Variants in KIF3C observed in about 807,000 individuals in gnomAD.
KIF3C encodes the protein kinesin-like protein KIF3C.
A neutral mutation model predicts 67.7 loss-of-function variants in KIF3C; 12 were observed. The observed-to-expected ratio is 0.18, with a 90% confidence interval of 0.11 to 0.29. The LOEUF (loss-of-function observed/expected upper bound fraction) is 0.29. KIF3C is among the 10% of genes least tolerant of loss of function. KIF3C has a pLI of 1.00. For missense variants in KIF3C, 789 were observed against 1,059.6 expected, an observed-to-expected ratio of 0.74 and a Z score of 3.55; for synonymous variants, 393 against 426.2, an observed-to-expected ratio of 0.92 and a Z score of 0.96.
intron 5 of KIF3C, among the ~76,000 whole-genome samples, chr2:25,948,435 C>T (rs1663501101): frequency 6.8e-6 from 1 of 146,114 alleles, no homozygotes; most frequent in Non-Finnish European, 1.5e-5. Context: ...GCCTGTGGCC[C>T]CAGCTACTCA....
intron 1 of KIF3C, among the ~76,000 whole-genome samples, chr2:25,959,301 T>A (rs1196363919): frequency 2.0e-5 from 3 of 152,198 alleles, no homozygotes; most frequent in Non-Finnish European, 2.9e-5. Flanking sequence ...AATTATTCAT[T>A]TACATGCTGT....
chr2:25,946,942 A>T (rs1663457381), intron 5 of KIF3C, among the ~76,000 whole-genome samples: 1 of 152,118 alleles, frequency 6.6e-6, no homozygotes, highest in African/African-American at 2.4e-5. Context: ...ACCTGAGATC[A>T]GGAGTTCAAG....
At position 25,928,677 on chromosome 2, in the gene KIF3C, C is replaced by A. The variant is rs903962988; in HGVS notation, c.*301G>T. On this transcript the variant is annotated 3_prime_UTR_variant, in exon 8 of 8. Transcript: ENST00000264712. ...GCTGACAGGGGGACAAGCCTGAGAT[C>A]TGACTGGGGGAGCTCTCAAGTCAGA... The A allele has an allele frequency of 3.0e-5, 7 of 235,978 alleles. No homozygotes were observed. The highest frequency in any genetic ancestry group is 5.8e-5 in the Non-Finnish European group (7 of 120,224). The allele number at this position is 235,978 out of a possible 1,614,324, so 14.6% of individuals were successfully genotyped here.
chr2:25,953,141 C>T (rs952313069), intron 4 of KIF3C, among the ~76,000 whole-genome samples: 5 of 150,902 alleles, frequency 3.3e-5, no homozygotes, highest in African/African-American at 4.9e-5. Flanking sequence ...TGGTGGTGGG[C>T]GCCTGTAGTC....
chr2:25,937,621 A>T (rs1349041650), intron 5 of KIF3C, among the ~76,000 whole-genome samples: 1 of 152,242 alleles, frequency 6.6e-6, no homozygotes. Flanking sequence ...TACACAGTTC[A>T]TCTGAACTTA....
At chr2:25,957,187 C>T (rs564226186) in intron 1 of KIF3C, among the ~76,000 whole-genome samples, 1 of 152,166 alleles carries the variant, frequency 6.6e-6, no homozygotes, top group African/African-American at 2.4e-5. Flanking sequence ...CCATCCCCCC[C>T]TAAGAGGGAC....
chr2:25,979,414 G>C (rs1357382414), intron 1 of KIF3C, among the ~76,000 whole-genome samples: 1 of 152,124 alleles, frequency 6.6e-6, no homozygotes, highest in African/African-American at 2.4e-5. Flanking sequence ...CGGTTGGCTT[G>C]CTGCTCAGAT....
chr2:25,981,817 G>C lies in KIF3C; in HGVS notation c.101C>G (p.Thr34Ser). ...EEAAGHEQILTMDVKLGQVTL... is the reference protein window; with the variant it reads ...EEAAGHEQILSMDVKLGQVTL... The stretch of plus-strand genomic sequence containing the variant: ...CACCTGGCCCAGTTTCACGTCCATG[G>C]TCAGGATCTGCTCGTGACCAGCAGC... Residue 34 changes from threonine to serine, a missense_variant, in exon 1 of 8, where the codon ACC becomes AGC. Physicochemically the swap from Thr to Ser is moderately conservative, Grantham distance 58. Transcript: ENST00000264712. This position sits in a 1 kb window ranked among gnomAD's most constrained non-coding sequence, Gnocchi z 8.2. 1 of 1,613,044 alleles carries C rather than the reference G, an allele frequency of 6.2e-7. No homozygotes were observed. Among genetic ancestry groups the C allele is most frequent in the Non-Finnish European group, 8.5e-7 (1 of 1,179,750 alleles).
At position 25,980,596 on chromosome 2, in the gene KIF3C, T is replaced by C. The variant is rs370364677; in HGVS notation, c.1322A>G (p.Asn441Ser). The C allele has an allele frequency of 6.8e-6, 11 of 1,613,252 alleles. No individual in the cohort carries two copies. The African/African-American group carries it at 1.3e-4, about 20-fold the overall frequency. The change falls in exon 1 of 8, where the codon AAC (asparagine) becomes AGC (serine). Residue 441 changes from asparagine to serine, a missense_variant. By Grantham distance (46) the Asn-to-Ser change is conservative. Coordinates refer to ENST00000264712, the MANE Select transcript of KIF3C (RefSeq NM_002254.8). This position sits in a 1 kb window ranked among gnomAD's most constrained non-coding sequence, Gnocchi z 7.6. ...VAEEEDDNNN[N>S]HRPPQPILES... ...CAGGATGGGCTGGGGCGGGCGGTGG[T>C]TGTTGTTGTTGTCATCCTCCTCTTC...
intron 6 of KIF3C, 82 bp downstream of exon 6, chr2:25,929,873 C>T: frequency 1.0e-6 from 1 of 974,966 alleles, no homozygotes; most frequent in Admixed American, 1.8e-5. Flanking sequence ...GCCTCGGCCT[C>T]CCACAGTGCT....
chr2:25,949,307 C>G (rs886103112), intron 5 of KIF3C, among the ~76,000 whole-genome samples: 5 of 152,102 alleles, frequency 3.3e-5, no homozygotes, highest in African/African-American at 1.2e-4. Flanking sequence ...GGCGCAGTGG[C>G]TCACGCCTGT....
intron 5 of KIF3C, among the ~76,000 whole-genome samples, chr2:25,936,128 T>C (rs997310031): frequency 1.3e-5 from 2 of 151,956 alleles, no homozygotes; most frequent in Admixed American, 6.6e-5. Context: ...AAAATTTGTG[T>C]GTGGCTCTAC....
intron 1 of KIF3C, among the ~76,000 whole-genome samples, chr2:25,976,016 C>T (rs1469568499): frequency 6.6e-6 from 1 of 151,944 alleles, no homozygotes; most frequent in African/African-American, 2.4e-5. Flanking sequence ...GTGGAATAAA[C>T]GAGATAATCT....
intron 1 of KIF3C, among the ~76,000 whole-genome samples, chr2:25,979,952 ATAT>A (rs1429785020): frequency 6.6e-6 from 1 of 152,170 alleles, no homozygotes. Flanking sequence ...TAACCAAATG[ATAT>A]TATTAAAACG....
intron 1 of KIF3C, among the ~76,000 whole-genome samples, chr2:25,969,646 A>T (rs946978514): frequency 2.6e-5 from 4 of 152,190 alleles, no homozygotes; most frequent in Non-Finnish European, 4.4e-5. Flanking sequence ...AAATTTAAAG[A>T]ATTTAAAGAT....
chr2:25,945,316 C>G lies in KIF3C; in HGVS notation c.2006+6473G>C, dbSNP rs191680774. On this transcript the variant is annotated intron_variant, in intron 5 of 7. Coordinates refer to ENST00000264712, the MANE Select transcript of KIF3C (RefSeq NM_002254.8). ...GGAAAAGAAAACACTATAAAAGCTG[C>G]TCTACTTTATAGTCTGGTAGTTAAA... is the stretch of plus-strand genomic sequence containing the variant. 5.9e-5 allele frequency among the ~76,000 whole-genome samples: 9 copies of G among 152,204 alleles called. No individual in the cohort carries two copies. The East Asian group carries it at 1.7e-3, about 29-fold the overall frequency.
Position 25,958,999 on chromosome 2 carries a change from G to C in KIF3C, c.1546-2555C>G, listed in dbSNP as rs963823254. On this transcript the variant is annotated intron_variant, in intron 1 of 7. Coordinates refer to ENST00000264712, the MANE Select transcript of KIF3C (RefSeq NM_002254.8). The surrounding 1 kb of genome is among the most constrained non-coding windows in gnomAD (Gnocchi z 4.5). ...TGAGGCAGGAGAATCGCTTGAACACGGGAGGCGGAGGTTGTGGTGAGCCGA... is the reference window on the plus strand; with the variant it reads ...TGAGGCAGGAGAATCGCTTGAACACCGGAGGCGGAGGTTGTGGTGAGCCGA... Among the ~76,000 whole-genome samples, 1 of 151,992 alleles carries C rather than the reference G, an allele frequency of 6.6e-6. No homozygotes were observed. The highest frequency in any genetic ancestry group is 1.5e-5 in the Non-Finnish European group (1 of 67,984).
rs776446772 is a variant in KIF3C at position 25,981,198 on chromosome 2, G to A, written c.720C>T (p.Gly240=). The change falls in exon 1 of 8, where the codon GGC becomes GGT. Residue 240 remains glycine (G), a synonymous_variant. Coordinates refer to ENST00000264712, the MANE Select transcript of KIF3C (RefSeq NM_002254.8). The surrounding 1 kb of genome is among the most constrained non-coding windows in gnomAD (Gnocchi z 8.2). Reference sequence around the variant, plus strand: ...CAGCCAGGTCCACGAGGTTGAGCTTGCCCACTCGGATGTGGTCCTGGCCAT... The same window carrying A: ...CAGCCAGGTCCACGAGGTTGAGCTTACCCACTCGGATGTGGTCCTGGCCAT... The part of the protein sequence containing the change: ...GSDGQDHIRV[G]KLNLVDLAGS... 2 of 1,614,054 alleles carry A rather than the reference G, an allele frequency of 1.2e-6. No individual in the cohort carries two copies. Among genetic ancestry groups the A allele is most frequent in the East Asian group, 4.5e-5 (2 of 44,882 alleles).
chr2:25,970,684 A>AT (rs1208776579), intron 1 of KIF3C, among the ~76,000 whole-genome samples: 1 of 151,196 alleles, frequency 6.6e-6, no homozygotes, highest in Non-Finnish European at 1.5e-5. Context: ...AAAAAAAAAA[A>AT]AAAAAAAAGA....
Sources: gnomAD v4.1 joint callset for allele counts (sites outside exome capture counted in the v4.1 genomes callset) on GRCh38, gnomAD v4.1.1 for gene constraint, Gnocchi (gnomAD v3.1) non-coding constraint, MANE v1.5 for transcripts, NCBI Gene and HGNC (gene_info 2026-07-23, HGNC 2026-07-21) for gene names.